SH3RF3: variants seen among roughly 807,000 people sequenced by gnomAD.
SH3RF3 encodes SH3 domain containing ring finger 3.
Under a neutral mutation model 66.3 loss-of-function variants are expected in SH3RF3, and 29 were observed. The observed-to-expected ratio is 0.44, with a 90% CI of 0.33 to 0.60. The LOEUF (loss-of-function observed/expected upper bound fraction) is 0.60. Ranked by LOEUF, SH3RF3 falls within the 20% of genes least tolerant of loss-of-function variation. The probability of loss-of-function intolerance (pLI) is 0.04; values close to 1 mark genes in which losing one functional copy is unlikely to be tolerated. For missense variants in SH3RF3, 1,194 were observed against 1,190.9 expected, an observed-to-expected ratio of 1.00 and a Z score of -0.04; for synonymous variants, 583 against 532.0, an observed-to-expected ratio of 1.10 and a Z score of -1.32.
At chr2:109,317,289 G>C (rs1282852898) in intron 1 of SH3RF3, among the ~76,000 whole-genome samples, 1 of 152,172 alleles carries the variant, frequency 6.6e-6, no homozygotes, top group African/African-American at 2.4e-5. Flanking sequence ...TCTTGCCCAT[G>C]GTGACAGGGC....
chr2:109,241,146 A>G (rs940543441), intron 1 of SH3RF3, among the ~76,000 whole-genome samples: 4 of 152,260 alleles, frequency 2.6e-5, no homozygotes, highest in Non-Finnish European at 5.9e-5. Context: ...TCGACAGTCA[A>G]TGATGACAAG....
At chr2:109,380,074 A>G (rs1396046510) in intron 3 of SH3RF3, among the ~76,000 whole-genome samples, 1 of 152,172 alleles carries the variant, frequency 6.6e-6, no homozygotes, top group Non-Finnish European at 1.5e-5. Context: ...AGTCGCATTC[A>G]TGGTTGGGGT....
intron 1 of SH3RF3, among the ~76,000 whole-genome samples, chr2:109,228,762 C>T (rs560750902): frequency 2.6e-5 from 4 of 152,222 alleles, no homozygotes; most frequent in African/African-American, 9.6e-5. Context: ...CAGGGGCTTC[C>T]GTCTCTGTGG....
chr2:109,378,733 C>T (rs192976231), intron 3 of SH3RF3, among the ~76,000 whole-genome samples: 44 of 152,298 alleles, frequency 2.9e-4, no homozygotes, highest in Middle Eastern at 3.4e-3. Context: ...AGGCTATAAC[C>T]TTCTCTACTC....
At chr2:109,213,796 G>GGGTGT (rs913039645) in intron 1 of SH3RF3, among the ~76,000 whole-genome samples, 6 of 152,216 alleles carry the variant, frequency 3.9e-5, no homozygotes, top group South Asian at 2.1e-4. Context: ...TGGTGTGATA[G>GGGTGT]GGTGTGGTGT....
intron 3 of SH3RF3, among the ~76,000 whole-genome samples, chr2:109,372,984 C>T (rs953397269): frequency 6.6e-6 from 1 of 152,210 alleles, no homozygotes; most frequent in Non-Finnish European, 1.5e-5. Context: ...TGCAGTTAGT[C>T]CATAGTCTAT....
intron 4 of SH3RF3, among the ~76,000 whole-genome samples, chr2:109,416,899 C>T (rs961016708): frequency 1.1e-4 from 14 of 130,132 alleles, no homozygotes; most frequent in Middle Eastern, 4.0e-3. Context: ...AGTGAGACTT[C>T]ATCTCAAAAA....
At chr2:109,202,826 A>G (rs1328695453) in intron 1 of SH3RF3, among the ~76,000 whole-genome samples, 3 of 152,194 alleles carry the variant, frequency 2.0e-5, no homozygotes, top group Non-Finnish European at 4.4e-5. Flanking sequence ...CATTCCCGGG[A>G]AAGGGCCCAA....
chr2:109,478,681 T>A (rs568304885), intron 8 of SH3RF3, among the ~76,000 whole-genome samples: 1 of 152,146 alleles, frequency 6.6e-6, no homozygotes, highest in African/African-American at 2.4e-5. Context: ...AAAAATACGG[T>A]GTGGTGGGGA....
chr2:109,374,643 A>G (rs535165604), intron 3 of SH3RF3, among the ~76,000 whole-genome samples: 53 of 152,286 alleles, frequency 3.5e-4, no homozygotes, highest in African/African-American at 1.3e-3. Context: ...CCCCTGGTGC[A>G]AGAAGGAATG....
At chr2:109,482,875 C>G (rs953355648) in intron 8 of SH3RF3, among the ~76,000 whole-genome samples, 2 of 152,174 alleles carry the variant, frequency 1.3e-5, no homozygotes, top group Non-Finnish European at 2.9e-5. Context: ...CTGCTGCCTC[C>G]CGTTCCCTGC....
chr2:109,496,234 T>A (rs1452913706), intron 9 of SH3RF3, among the ~76,000 whole-genome samples: 1 of 152,042 alleles, frequency 6.6e-6, no homozygotes, highest in Non-Finnish European at 1.5e-5. Context: ...GATTGGCGCG[T>A]TTTACAGAGC....
chr2:109,164,211 C>A (rs1574482382), intron 1 of SH3RF3, among the ~76,000 whole-genome samples: 1 of 152,078 alleles, frequency 6.6e-6, no homozygotes, highest in Non-Finnish European at 1.5e-5. Context: ...TGGGGCCTTG[C>A]TCTGTTGCCC....
chr2:109,216,461 G>A (rs1017956978), intron 1 of SH3RF3, among the ~76,000 whole-genome samples: 5 of 152,210 alleles, frequency 3.3e-5, no homozygotes, highest in Admixed American at 2.0e-4. Flanking sequence ...ACTTGAGGGC[G>A]GTGCAGGGCT....
chr2:109,222,368 T>G (rs1474048296), intron 1 of SH3RF3, among the ~76,000 whole-genome samples: 1 of 152,228 alleles, frequency 6.6e-6, no homozygotes, highest in African/African-American at 2.4e-5. Flanking sequence ...AAAGAAATGA[T>G]AAAGATTTGA....
At chr2:109,176,471 C>G (rs1172819404) in intron 1 of SH3RF3, among the ~76,000 whole-genome samples, 1 of 152,100 alleles carries the variant, frequency 6.6e-6, no homozygotes, top group East Asian at 1.9e-4. Context: ...ATGGCTCATG[C>G]CTCTAATCCT....
chr2:109,273,954 G>C (rs890591247), intron 1 of SH3RF3, among the ~76,000 whole-genome samples: 2 of 152,180 alleles, frequency 1.3e-5, no homozygotes, highest in African/African-American at 4.8e-5. Context: ...GTGACTTTCT[G>C]TATGGAAAAT....
intron 4 of SH3RF3, among the ~76,000 whole-genome samples, chr2:109,400,687 T>TGC (rs1676290605): frequency 9.3e-6 from 1 of 107,052 alleles, no homozygotes; most frequent in Non-Finnish European, 2.0e-5. Context: ...CATTGGTGGA[T>TGC]ACACACCTGC....
At chr2:109,380,501 G>A (rs907347082) in intron 3 of SH3RF3, among the ~76,000 whole-genome samples, 15 of 152,184 alleles carry the variant, frequency 9.9e-5, no homozygotes, top group African/African-American at 3.6e-4. Context: ...CTCTAAATGG[G>A]TCTAAGCTGG....
Sources: gnomAD v4.1 joint callset for allele counts (sites outside exome capture counted in the v4.1 genomes callset) on GRCh38, gnomAD v4.1.1 for gene constraint, MANE v1.5 for transcripts, NCBI Gene and HGNC (gene_info 2026-07-23, HGNC 2026-07-21) for gene names.